The following EYA4 variants were observed in gnomAD, a reference collection of about 807,000 sequenced individuals.
EYA4 encodes the protein protein phosphatase EYA4.
Under a neutral mutation model 87.9 loss-of-function variants are expected in EYA4, and 31 were observed. That is an observed-to-expected ratio of 0.35 (90% confidence interval 0.27 to 0.48). The LOEUF (loss-of-function observed/expected upper bound fraction) is 0.48. EYA4 is among the 20% of genes least tolerant of loss of function. The probability of loss-of-function intolerance (pLI) is 0.99; values close to 1 mark genes in which losing one functional copy is unlikely to be tolerated. For synonymous variants in EYA4, 263 were observed against 270.6 expected, an observed-to-expected ratio of 0.97 and a Z score of 0.28; for missense variants, 678 against 761.4, an observed-to-expected ratio of 0.89 and a Z score of 1.29.
At chr6:133,504,976 G>A (rs1441822028) in intron 13 of EYA4, among the ~76,000 whole-genome samples, 2 of 152,092 alleles carry the variant, frequency 1.3e-5, no homozygotes, top group African/African-American at 4.8e-5. Flanking sequence ...CACCCTCTGA[G>A]GTCTTCCAAA....
intron 2 of EYA4, among the ~76,000 whole-genome samples, chr6:133,347,707 T>C (rs1783301111): frequency 6.6e-6 from 1 of 152,244 alleles, no homozygotes; most frequent in Admixed American, 6.5e-5. Context: ...TTGTTATGCC[T>C]ATTTTAGAGA....
intron 2 of EYA4, among the ~76,000 whole-genome samples, chr6:133,300,282 G>A (rs1210820178): frequency 6.6e-6 from 1 of 151,748 alleles, no homozygotes; most frequent in Non-Finnish European, 1.5e-5. Flanking sequence ...AAATCCACAA[G>A]TGAGTGGACC....
chr6:133,505,767 A>C (rs1194888300), intron 13 of EYA4, among the ~76,000 whole-genome samples: 1 of 152,132 alleles, frequency 6.6e-6, no homozygotes, highest in Non-Finnish European at 1.5e-5. Context: ...CCCCATCCAA[A>C]TACCTTTCTC....
At chr6:133,305,373 C>T (rs1779726699) in intron 2 of EYA4, among the ~76,000 whole-genome samples, 1 of 152,046 alleles carries the variant, frequency 6.6e-6, no homozygotes, top group African/African-American at 2.4e-5. Flanking sequence ...AGGGCAAGGG[C>T]ACGAGGAAGA....
chr6:133,509,147 A>G (rs1171583043), intron 14 of EYA4, among the ~76,000 whole-genome samples: 1 of 152,198 alleles, frequency 6.6e-6, no homozygotes, highest in Admixed American at 6.5e-5. Context: ...GTAGCTTTCA[A>G]AAGCATTCAG....
chr6:133,317,222 G>T (rs141241069), intron 2 of EYA4, among the ~76,000 whole-genome samples: 3 of 152,096 alleles, frequency 2.0e-5, no homozygotes, highest in Admixed American at 6.6e-5. Flanking sequence ...TCAATAGCTC[G>T]TAGCACAAAC....
At chr6:133,299,402 G>T (rs1779188475) in intron 2 of EYA4, among the ~76,000 whole-genome samples, 1 of 152,046 alleles carries the variant, frequency 6.6e-6, no homozygotes, top group Admixed American at 6.5e-5. Flanking sequence ...CCTCAGAGCA[G>T]TATTTTCACC....
At chr6:133,381,700 A>G (rs951016667) in intron 2 of EYA4, among the ~76,000 whole-genome samples, 2 of 152,192 alleles carry the variant, frequency 1.3e-5, no homozygotes, top group South Asian at 2.1e-4. Context: ...AGATATAGAT[A>G]TAAGTGCTTG....
chr6:133,398,013 G>T (rs1787947352), intron 3 of EYA4, among the ~76,000 whole-genome samples: 1 of 152,108 alleles, frequency 6.6e-6, no homozygotes, highest in South Asian at 2.1e-4. Flanking sequence ...TGTTTTGTGT[G>T]TCTTTTCCCC....
chr6:133,360,581 A>G (rs1263141833), intron 2 of EYA4: 1 of 152,198 alleles, frequency 6.6e-6, no homozygotes, highest in East Asian at 1.9e-4. Flanking sequence ...AGATTCTACA[A>G]CAACCATTTT....
intron 10 of EYA4, 77 bp from the exon 11 acceptor site, chr6:133,468,489 A>G (rs1356874355): frequency 7.5e-6 from 9 of 1,197,436 alleles, no homozygotes; most frequent in South Asian, 7.3e-5. Flanking sequence ...TTCAGTTACC[A>G]TAATGACTGG....
At chr6:133,510,089 G>T (rs1799012063) in intron 14 of EYA4, among the ~76,000 whole-genome samples, 1 of 152,172 alleles carries the variant, frequency 6.6e-6, no homozygotes, top group South Asian at 2.1e-4. Flanking sequence ...TCCAATAAGT[G>T]TGATATACTG....
chr6:133,431,718 A>G (rs898989579), intron 3 of EYA4, among the ~76,000 whole-genome samples: 1 of 152,234 alleles, frequency 6.6e-6, no homozygotes, highest in Admixed American at 6.5e-5. Flanking sequence ...AAAGAATTAT[A>G]TGGCAGGTAT....
intron 13 of EYA4, among the ~76,000 whole-genome samples, chr6:133,484,319 T>C (rs3777867): frequency 0.047 from 7,113 of 152,318 alleles, 520 homozygotes; most frequent in African/African-American, 0.15. Context: ...TAATATCTCA[T>C]GCTCATGCAG....
intron 3 of EYA4, among the ~76,000 whole-genome samples, chr6:133,413,531 C>T (rs752799599): frequency 6.6e-6 from 1 of 151,806 alleles, no homozygotes; most frequent in Non-Finnish European, 1.5e-5. Flanking sequence ...CTTTCTAAGA[C>T]AGTATCTTTC....
chr6:133,302,293 A>G, intron 2 of EYA4, among the ~76,000 whole-genome samples: 1 of 152,122 alleles, frequency 6.6e-6, no homozygotes, highest in East Asian at 1.9e-4. Context: ...TTTAGAGTGG[A>G]GAGTTTCCAG....
At chr6:133,386,393 C>CT (rs1371409957) in intron 3 of EYA4, among the ~76,000 whole-genome samples, 1 of 151,990 alleles carries the variant, frequency 6.6e-6, no homozygotes, top group Non-Finnish European at 1.5e-5. Context: ...ACTTTCAGTC[C>CT]TTTTTATTTC....
rs1484645002 is a variant in EYA4, at chr6:133,394,302, T to A, written c.83+11861T>A. Among the ~76,000 whole-genome samples, 66 of 145,340 alleles carry A rather than the reference T, an allele frequency of 4.5e-4. 1 individual carries two copies. The East Asian group carries it at 0.011, about 24-fold the overall frequency. On this transcript the variant is annotated intron_variant, in intron 3 of 19. Transcript: ENST00000355286. Reference sequence around the variant, plus strand: ...AGCTTGTGTTTTTTTTTTTTTTTTTTTTTTTTTTTTTTTTTTGGTCATCGA... The same window carrying A: ...AGCTTGTGTTTTTTTTTTTTTTTTTATTTTTTTTTTTTTTTTGGTCATCGA...
At chr6:133,339,703 G>C (rs1782642137) in intron 2 of EYA4, among the ~76,000 whole-genome samples, 1 of 152,128 alleles carries the variant, frequency 6.6e-6, no homozygotes, top group Non-Finnish European at 1.5e-5. Flanking sequence ...TGTGATTTTT[G>C]AGGTGATAAG....
Sources: gnomAD v4.1 joint callset for allele counts (sites outside exome capture counted in the v4.1 genomes callset) on GRCh38, gnomAD v4.1.1 for gene constraint, MANE v1.5 for transcripts, NCBI Gene and HGNC (gene_info 2026-07-23, HGNC 2026-07-21) for gene names.